Variants in PCDH17 observed in about 807,000 individuals in gnomAD.
PCDH17 encodes protocadherin-17.
A neutral mutation model predicts 67.7 loss-of-function variants in PCDH17; 21 were observed. That is an observed-to-expected ratio of 0.31 (90% CI 0.22 to 0.45). PCDH17 has a LOEUF of 0.45. Ranked by LOEUF, PCDH17 falls within the 20% of genes least tolerant of loss-of-function variation. The pLI, the probability that PCDH17 is intolerant of heterozygous loss-of-function variation, is 1.00. For missense variants in PCDH17, 1,471 were observed against 1,564.8 expected (o/e 0.94, Z 1.01); for synonymous variants, 701 against 656.7 (o/e 1.07, Z -1.03).
chr13:57,668,992 T>TC (rs956308699), intron 3 of PCDH17, among the ~76,000 whole-genome samples: 6 of 151,626 alleles, frequency 4.0e-5, no homozygotes, highest in Non-Finnish European at 7.4e-5. Flanking sequence ...CTCTCCCCGC[T>TC]CCCCCCACCC....
intron 3 of PCDH17, among the ~76,000 whole-genome samples, chr13:57,718,540 T>A (rs528976298): frequency 3.3e-5 from 5 of 152,022 alleles, no homozygotes; most frequent in Non-Finnish European, 7.4e-5. Context: ...ATGGAATGAC[T>A]CACTCTATTA....
chr13:57,658,462 C>A (rs1955138235), intron 1 of PCDH17, among the ~76,000 whole-genome samples: 3 of 152,106 alleles, frequency 2.0e-5, no homozygotes, highest in African/African-American at 7.2e-5. Context: ...TTTAAAGGTC[C>A]TATTAGTTAA....
intron 1 of PCDH17, among the ~76,000 whole-genome samples, chr13:57,649,259 C>G (rs1448349920): frequency 1.3e-5 from 2 of 152,070 alleles, no homozygotes; most frequent in Non-Finnish European, 2.9e-5. Context: ...CAAGCCAGTG[C>G]TGTTAATATA....
intron 3 of PCDH17, among the ~76,000 whole-genome samples, chr13:57,711,094 T>C (rs1255729658): frequency 1.3e-5 from 2 of 151,994 alleles, no homozygotes; most frequent in Non-Finnish European, 2.9e-5. Context: ...TGTTATATTT[T>C]TTTCATTCAG....
intron 1 of PCDH17, among the ~76,000 whole-genome samples, chr13:57,659,092 G>T (rs1174623534): frequency 7.6e-6 from 1 of 131,714 alleles, no homozygotes; most frequent in Non-Finnish European, 1.6e-5. Flanking sequence ...TTAGCACCAA[G>T]GTTATTTATA....
intron 1 of PCDH17, among the ~76,000 whole-genome samples, chr13:57,645,158 AT>A (rs1290538594): frequency 1.3e-5 from 2 of 151,714 alleles, no homozygotes; most frequent in Non-Finnish European, 3.0e-5. Context: ...AATGAATGAT[AT>A]TAAGTCTGTA....
chr13:57,633,487 AC>A lies in PCDH17; in HGVS notation c.942del (p.Asn314LysfsTer48). On this transcript the variant is annotated frameshift_variant, in exon 1 of 4. Transcript: ENST00000377918. LOFTEE classifies it high-confidence loss of function. The surrounding 1 kb of genome is among the most constrained non-coding windows in gnomAD (Gnocchi z 6.2). Reference protein sequence around the residue: ...RVKGNLDYEENGMLEIDVQAR... With the variant: ...RVKGNLDYEEXGMLEIDVQAR... ...AAGGGCAATCTGGACTATGAGGAAA[AC>A]GGGATGCTGGAGATTGACGTGCAGG... The A allele has an allele frequency of 6.2e-7, 1 of 1,613,840 alleles. No homozygotes were observed. Among genetic ancestry groups the A allele is most frequent in the Non-Finnish European group, 8.5e-7 (1 of 1,180,022 alleles).
intron 1 of PCDH17, among the ~76,000 whole-genome samples, chr13:57,651,054 G>T (rs1390958781): frequency 1.3e-5 from 2 of 152,008 alleles, no homozygotes; most frequent in Non-Finnish European, 2.9e-5. Context: ...ATATGAAAGA[G>T]GATGGTCTTA....
chr13:57,671,465 A>G (rs1955321650), intron 3 of PCDH17, among the ~76,000 whole-genome samples: 1 of 151,910 alleles, frequency 6.6e-6, no homozygotes, highest in South Asian at 2.1e-4. Context: ...TATGAAGCTA[A>G]TGTTTTCTTA....
At chr13:57,705,822 C>G (rs887499764) in intron 3 of PCDH17, among the ~76,000 whole-genome samples, 2 of 152,000 alleles carry the variant, frequency 1.3e-5, no homozygotes, top group Non-Finnish European at 2.9e-5. Context: ...TCAAGACCAG[C>G]CTGACCCACA....
intron 3 of PCDH17, among the ~76,000 whole-genome samples, chr13:57,701,386 A>G (rs1955661679): frequency 6.6e-6 from 1 of 152,112 alleles, no homozygotes; most frequent in African/African-American, 2.4e-5. Flanking sequence ...TCTGCTTCTA[A>G]TTTGTGTGGG....
chr13:57,663,356 C>A (rs1295523219), intron 1 of PCDH17, among the ~76,000 whole-genome samples: 2 of 152,054 alleles, frequency 1.3e-5, no homozygotes, highest in African/African-American at 4.8e-5. Context: ...TCAAATTCTA[C>A]CCTCTTCCAA....
intron 3 of PCDH17, among the ~76,000 whole-genome samples, chr13:57,706,975 C>A (rs1444333205): frequency 1.3e-5 from 2 of 152,026 alleles, no homozygotes; most frequent in Admixed American, 6.6e-5. Flanking sequence ...TCTCAATTTT[C>A]ATTTTCTTAA....
chr13:57,647,134 T>C lies in PCDH17; in HGVS notation c.2565+12023T>C, dbSNP rs1269587598. On this transcript the variant is annotated intron_variant, in intron 1 of 3. Transcript: ENST00000377918. ...TGCTGGCAATGTGACTTCCAAATAA[T>C]GTTGGTAAAAATCTTAACGTTTCAT... 2.0e-5 allele frequency among the ~76,000 whole-genome samples: 3 copies of C among 151,836 alleles called. No individual in the cohort carries two copies. In the East Asian group the frequency reaches 5.8e-4, roughly 29 times the overall value.
intron 3 of PCDH17, among the ~76,000 whole-genome samples, chr13:57,672,957 A>G (rs1192322476): frequency 6.6e-6 from 1 of 152,046 alleles, no homozygotes; most frequent in Non-Finnish European, 1.5e-5. Context: ...CACCAGACCA[A>G]GTCTAAATTA....
At chr13:57,712,641 T>G (rs547987858) in intron 3 of PCDH17, among the ~76,000 whole-genome samples, 2 of 151,672 alleles carry the variant, frequency 1.3e-5, no homozygotes, top group South Asian at 4.1e-4. Context: ...GAAAATACCT[T>G]TGGTAGCAAC....
intron 1 of PCDH17, among the ~76,000 whole-genome samples, chr13:57,636,108 C>T (rs1954820027): frequency 6.6e-6 from 1 of 152,160 alleles, no homozygotes; most frequent in East Asian, 1.9e-4. Context: ...CCAGCTTGGA[C>T]ATAGATTCTA....
Position 57,724,670 on chromosome 13 carries a change from G to C in PCDH17, c.2856G>C (p.Arg952Ser), listed in dbSNP as rs766057274. ...DECRVLGHSD[R>S]CWMPQFPAAN... The stretch of plus-strand genomic sequence containing the variant: ...GCCGAGTGCTTGGTCATTCTGACAG[G>C]TGCTGGATGCCACAGTTCCCTGCAG... The change falls in exon 4 of 4, where the codon AGG (arginine) becomes AGC (serine). Residue 952 changes from arginine (R) to serine (S), a missense_variant. Around this residue, in one of 3 missense-constraint regions of PCDH17, gnomAD observed 297 missense variants for 298.6 expected, o/e 0.99. Transcript: ENST00000377918. The C allele has an allele frequency of 1.2e-6, 2 of 1,614,064 alleles. No individual in the cohort carries two copies. Among genetic ancestry groups the C allele is most frequent in the East Asian group, 4.5e-5 (2 of 44,838 alleles).
chr13:57,702,291 A>G (rs967091765), intron 3 of PCDH17, among the ~76,000 whole-genome samples: 8 of 152,074 alleles, frequency 5.3e-5, no homozygotes, highest in African/African-American at 1.7e-4. Context: ...ATGTCTAAAC[A>G]GAGTTTGTGC....
Sources: allele counts gnomAD v4.1 joint callset (sites outside exome capture counted in the v4.1 genomes callset), GRCh38; gene constraint gnomAD v4.1.1; regional missense constraint gnomAD v4.1.1; non-coding constraint Gnocchi (gnomAD v3.1); transcripts MANE v1.5; gene names NCBI Gene and HGNC (gene_info 2026-07-23, HGNC 2026-07-21).